The following VDR variants were observed in gnomAD, a reference collection of about 807,000 sequenced individuals.
VDR encodes vitamin D3 receptor.
VDR carries 19 observed loss-of-function variants against 39.7 expected under a neutral mutation model. The observed-to-expected ratio is 0.48, with a 90% CI of 0.33 to 0.70. VDR has a LOEUF of 0.70. Ranked by LOEUF, VDR falls within the 30% of genes least tolerant of loss-of-function variation. The pLI is 0.02. For missense variants in VDR, 442 were observed against 570.5 expected (o/e 0.77, Z 2.29); for synonymous variants, 242 against 215.8 (o/e 1.12, Z -1.07).
At chr12:47,899,992 CA>C in intron 1 of VDR, 3 of 982,236 alleles carry the variant, frequency 3.1e-6, no homozygotes, top group Middle Eastern at 5.2e-4. Context: ...AAAAGGTAGG[CA>C]AAGTGAGAAT....
chr12:47,872,287 A>G (rs955294992), intron 3 of VDR, among the ~76,000 whole-genome samples: 1 of 152,372 alleles, frequency 6.6e-6, no homozygotes, highest in East Asian at 1.9e-4. Context: ...TGTAAGAACT[A>G]AATAAAGGAA....
chr12:47,852,025 G>C (rs1255119952), intron 7 of VDR, among the ~76,000 whole-genome samples: 1 of 152,170 alleles, frequency 6.6e-6, no homozygotes, highest in African/African-American at 2.4e-5. Context: ...TTTGTGTCAG[G>C]GTACATGTGG....
chr12:47,855,349 A>AATAC (rs1945461903), intron 7 of VDR, among the ~76,000 whole-genome samples: 1 of 149,898 alleles, frequency 6.7e-6, no homozygotes, highest in South Asian at 2.1e-4. Flanking sequence ...AAAATAAATA[A>AATAC]ATAAATAAAT....
Position 47,843,296 on chromosome 12 carries a change from G to C in VDR, c.*1450C>G, listed in dbSNP as rs1007180487. ...AGGTGCAAGGACACAGCTTCCAGGAGTTGGGGCAGTCACGTTCCCACTGAC... is the reference window on the plus strand; with the variant it reads ...AGGTGCAAGGACACAGCTTCCAGGACTTGGGGCAGTCACGTTCCCACTGAC... On this transcript the variant is annotated 3_prime_UTR_variant, in exon 10 of 10. Transcript: ENST00000549336. 2.6e-5 allele frequency: 4 copies of C among 152,284 alleles called. No individual in the cohort carries two copies. Among genetic ancestry groups the C allele is most frequent in the Admixed American group, 6.5e-5 (1 of 15,276 alleles). The allele number at this position is 152,284 out of a possible 1,614,324, so 9.4% of individuals were successfully genotyped here. A position where few individuals can be genotyped will look rare whatever the true frequency, so the allele number is the denominator to read the frequency against.
Position 47,844,846 on chromosome 12 carries a change from T to A in VDR, c.1184A>T (p.Glu395Val). Residue 395 changes from glutamate (E) to valine (V), a missense_variant, in exon 10 of 10, where the codon GAG becomes GTG. This residue lies in a region of VDR where 173 missense variants were observed against 252.0 expected (regional missense o/e 0.69). Coordinates refer to ENST00000549336, the MANE Select transcript of VDR (RefSeq NM_000376.3). ...QKLADLRSLN[E>V]EHSKQYRCLS... ...GCAGCGGTACTGCTTGGAGTGCTCCTCATTGAGGCTGCGCAGGTCGGCTAG... is the reference window on the plus strand; with the variant it reads ...GCAGCGGTACTGCTTGGAGTGCTCCACATTGAGGCTGCGCAGGTCGGCTAG... 1.2e-6 allele frequency: 2 copies of A among 1,614,178 alleles called. No individual in the cohort carries two copies. Among genetic ancestry groups the A allele is most frequent in the South Asian group, 2.2e-5 (2 of 91,084 alleles).
intron 7 of VDR, among the ~76,000 whole-genome samples, chr12:47,855,314 C>G (rs367898774): frequency 6.7e-6 from 1 of 149,372 alleles, no homozygotes; most frequent in Admixed American, 6.7e-5. Context: ...GGCATCAGAG[C>G]GAGAATCTGT....
intron 3 of VDR, among the ~76,000 whole-genome samples, chr12:47,871,566 C>T (rs112396165): frequency 4.5e-4 from 68 of 151,262 alleles, no homozygotes; most frequent in Non-Finnish European, 8.5e-4. Flanking sequence ...CAGGTTCAAT[C>T]GATTCTCTTG....
chr12:47,889,095 G>A (rs1470338568), intron 1 of VDR, among the ~76,000 whole-genome samples: 2 of 152,036 alleles, frequency 1.3e-5, no homozygotes, highest in Admixed American at 6.5e-5. Context: ...AACAAGAGAG[G>A]AGAAGTATAC....
intron 3 of VDR, among the ~76,000 whole-genome samples, chr12:47,869,311 C>T (rs370843031): frequency 2.0e-5 from 3 of 152,044 alleles, no homozygotes; most frequent in East Asian, 1.9e-4. Flanking sequence ...CCGAGACAGG[C>T]GGATCGCGAG....
At chr12:47,845,123 C>T in intron 9 of VDR, 118 bp from the exon 10 acceptor site, 2 of 1,489,582 alleles carry the variant, frequency 1.3e-6, no homozygotes, top group East Asian at 2.3e-5. Flanking sequence ...TAGGCCACCC[C>T]TCTATGACTG....
At chr12:47,886,330 TG>T (rs1946251829) in intron 1 of VDR, among the ~76,000 whole-genome samples, 1 of 152,254 alleles carries the variant, frequency 6.6e-6, no homozygotes, top group Non-Finnish European at 1.5e-5. Context: ...AAGCACTGCA[TG>T]ACCTACCTAA....
chr12:47,853,586 C>G (rs1446768282), intron 7 of VDR, among the ~76,000 whole-genome samples: 1 of 152,078 alleles, frequency 6.6e-6, no homozygotes, highest in Non-Finnish European at 1.5e-5. Context: ...AACCCCAACT[C>G]TACTACTAAA....
intron 1 of VDR, among the ~76,000 whole-genome samples, chr12:47,884,709 C>A (rs962027624): frequency 6.6e-6 from 1 of 152,140 alleles, no homozygotes; most frequent in African/African-American, 2.4e-5. Context: ...AAGCCGTGGA[C>A]ACCTTTCACT....
At chr12:47,879,767 C>T (rs553012990) in intron 2 of VDR, among the ~76,000 whole-genome samples, 5 of 152,220 alleles carry the variant, frequency 3.3e-5, no homozygotes, top group Admixed American at 6.5e-5. Context: ...TATTTCCCCC[C>T]CCTTTTTTTG....
intron 8 of VDR, 74 bp from the exon 9 acceptor site, chr12:47,846,525 G>A: frequency 6.5e-7 from 1 of 1,549,316 alleles, no homozygotes. Flanking sequence ...CCATGGGTCT[G>A]ACCCTCGCCC....
chr12:47,888,701 T>A (rs961135152), intron 1 of VDR, among the ~76,000 whole-genome samples: 1 of 152,028 alleles, frequency 6.6e-6, no homozygotes, highest in African/African-American at 2.4e-5. Flanking sequence ...GTTTTACAAC[T>A]GAAGAAACGG....
intron 7 of VDR, among the ~76,000 whole-genome samples, chr12:47,848,554 C>A (rs1211475284): frequency 9.2e-6 from 1 of 108,718 alleles, no homozygotes. Flanking sequence ...GTTTTCTACT[C>A]CTTTTTTTTT....
rs1946482026 is a variant in VDR at position 47,897,398 on chromosome 12, G to A, written c.-84+7557C>T. On this transcript the variant is annotated intron_variant, in intron 1 of 9. Transcript: ENST00000549336. ...TGAGGGGATGGCTGGAGAAGGTAGA[G>A]CCCTGTCCCTGATCCCAGCACAGGC... Among the ~76,000 whole-genome samples, 9 of 152,318 alleles carry A rather than the reference G, an allele frequency of 5.9e-5. No homozygotes were observed. The South Asian group carries it at 1.7e-3, about 28-fold the overall frequency.
chr12:47,882,925 G>A, intron 1 of VDR, 151 bp from the exon 2 acceptor site: 1 of 597,772 alleles, frequency 1.7e-6, no homozygotes, highest in Non-Finnish European at 2.8e-6. Context: ...GAGCAGGCAT[G>A]CCATGTCATC....
Sources: gnomAD v4.1 joint callset for allele counts (sites outside exome capture counted in the v4.1 genomes callset) on GRCh38, gnomAD v4.1.1 for gene constraint, gnomAD v4.1.1 regional missense constraint, MANE v1.5 for transcripts, NCBI Gene and HGNC (gene_info 2026-07-23, HGNC 2026-07-21) for gene names.